Variants in SLC24A3 observed in about 807,000 individuals in gnomAD.
SLC24A3 encodes sodium/potassium/calcium exchanger 3.
SLC24A3 carries 28 observed loss-of-function variants against 75.8 expected under a neutral mutation model. That is an observed-to-expected ratio of 0.37 (90% CI 0.27 to 0.51). The LOEUF (loss-of-function observed/expected upper bound fraction) is 0.51. Among genes scored for constraint, SLC24A3 ranks in the 20% least tolerant of loss-of-function variants. SLC24A3 has a pLI of 0.94. For missense variants in SLC24A3, 663 were observed against 847.8 expected, an observed-to-expected ratio of 0.78 and a Z score of 2.71; for synonymous variants, 372 against 334.1, an observed-to-expected ratio of 1.11 and a Z score of -1.24.
In SLC24A3 at chr20:19,717,526, A is replaced by C; in HGVS notation, c.1720-2A>C. On this transcript the variant is annotated splice_acceptor_variant, in intron 15 of 16. Coordinates refer to ENST00000328041, the MANE Select transcript of SLC24A3 (RefSeq NM_020689.4). LOFTEE classifies it high-confidence loss of function. ...AAGCCTAACTCTAACCCTCTCTTAC[A>C]GATCCGGCTGAATAGCAGGGGGCTG... is the stretch of plus-strand genomic sequence containing the variant. 6.2e-7 allele frequency: 1 copy of C among 1,613,986 alleles called. No individual in the cohort carries two copies. Among genetic ancestry groups the C allele is most frequent in the Non-Finnish European group, 8.5e-7 (1 of 1,179,914 alleles).
chr20:19,328,120 G>A (rs565679558), intron 2 of SLC24A3, among the ~76,000 whole-genome samples: 2 of 152,222 alleles, frequency 1.3e-5, no homozygotes, highest in African/African-American at 4.8e-5. Context: ...TTCTGAGGAA[G>A]AGCATCCAGG....
chr20:19,698,927 G>A (rs936354519), intron 15 of SLC24A3, among the ~76,000 whole-genome samples: 2 of 152,164 alleles, frequency 1.3e-5, no homozygotes, highest in Non-Finnish European at 2.9e-5. Context: ...GGCTTTGTGG[G>A]CCAGAGGATG....
intron 1 of SLC24A3, among the ~76,000 whole-genome samples, chr20:19,268,004 C>T (rs1695060377): frequency 6.6e-6 from 1 of 152,134 alleles, no homozygotes; most frequent in Non-Finnish European, 1.5e-5. Context: ...TGGACATGTG[C>T]ATGGTGTAAA....
chr20:19,240,792 A>C (rs1271711034), intron 1 of SLC24A3, among the ~76,000 whole-genome samples: 1 of 152,148 alleles, frequency 6.6e-6, no homozygotes, highest in East Asian at 1.9e-4. Context: ...CAATGGGACC[A>C]CTTTTTGTAG....
intron 3 of SLC24A3, among the ~76,000 whole-genome samples, chr20:19,559,949 T>G (rs781306519): frequency 3.9e-5 from 6 of 152,132 alleles, no homozygotes; most frequent in Non-Finnish European, 8.8e-5. Context: ...ACATGTAGCA[T>G]TTGCAAATTT....
At position 19,474,353 on chromosome 20, in the gene SLC24A3, C is replaced by T. The variant is rs916678389; in HGVS notation, c.272-41135C>T. ...TTTAATTCCCAATGCAAGAAGACTG[C>T]ACAACCCGGATTTTAAAATCTGATA... On this transcript the variant is annotated intron_variant, in intron 2 of 16. Coordinates refer to ENST00000328041, the MANE Select transcript of SLC24A3 (RefSeq NM_020689.4). 3.9e-5 allele frequency among the ~76,000 whole-genome samples: 6 copies of T among 152,160 alleles called. No individual in the cohort carries two copies. The South Asian group carries it at 1.0e-3, about 26-fold the overall frequency.
chr20:19,631,645 C>A (rs1032608420), intron 6 of SLC24A3, among the ~76,000 whole-genome samples: 1 of 152,146 alleles, frequency 6.6e-6, no homozygotes, highest in African/African-American at 2.4e-5. Context: ...TTGTACTGCA[C>A]GTTGCTAGCC....
At chr20:19,263,261 G>T (rs1042344160) in intron 1 of SLC24A3, among the ~76,000 whole-genome samples, 2 of 152,136 alleles carry the variant, frequency 1.3e-5, no homozygotes, top group African/African-American at 4.8e-5. Flanking sequence ...ATGTGGGCTG[G>T]AGAGAAGGAA....
At chr20:19,610,293 A>G (rs565846831) in intron 6 of SLC24A3, among the ~76,000 whole-genome samples, 1 of 152,254 alleles carries the variant, frequency 6.6e-6, no homozygotes, top group South Asian at 2.1e-4. Flanking sequence ...TCTCCTAGGT[A>G]CAATTTTGCT....
chr20:19,392,529 G>T (rs986952875), intron 2 of SLC24A3, among the ~76,000 whole-genome samples: 8 of 152,200 alleles, frequency 5.3e-5, no homozygotes, highest in African/African-American at 1.9e-4. Flanking sequence ...TCAGCTGTTT[G>T]TGGGAGAGTG....
intron 3 of SLC24A3, among the ~76,000 whole-genome samples, chr20:19,553,793 G>A (rs2030740534): frequency 2.0e-5 from 3 of 152,120 alleles, no homozygotes; most frequent in Admixed American, 1.3e-4. Flanking sequence ...TTTCCAAAAT[G>A]TACCCCAGGG....
chr20:19,477,286 C>T (rs1159018779), intron 2 of SLC24A3, among the ~76,000 whole-genome samples: 1 of 152,170 alleles, frequency 6.6e-6, no homozygotes, highest in African/African-American at 2.4e-5. Context: ...TGGGCTGGGT[C>T]AAGCCTGAGG....
intron 2 of SLC24A3, among the ~76,000 whole-genome samples, chr20:19,319,538 G>A (rs1984660937): frequency 6.6e-6 from 1 of 152,220 alleles, no homozygotes; most frequent in South Asian, 2.1e-4. Context: ...GTGGCTTCAA[G>A]ACATGCTAGA....
intron 3 of SLC24A3, among the ~76,000 whole-genome samples, chr20:19,541,395 A>G (rs1371926957): frequency 6.6e-6 from 1 of 152,168 alleles, no homozygotes; most frequent in Non-Finnish European, 1.5e-5. Flanking sequence ...AGGAAAGCCC[A>G]TGTCCAGGAG....
At chr20:19,586,843 C>T (rs543691878) in intron 6 of SLC24A3, among the ~76,000 whole-genome samples, 30 of 152,342 alleles carry the variant, frequency 2.0e-4, no homozygotes, top group African/African-American at 6.7e-4. Flanking sequence ...GAGCTCTGCT[C>T]AGCTCCTTAG....
rs566053854 is a variant in SLC24A3, at chr20:19,587,672, C to T, written c.612+2128C>T. ...TTGGGAAGAACATGGGCTGGGGAATCAGACGGGTCTGGGTTTAAATCCTGA... is the reference window on the plus strand; with the variant it reads ...TTGGGAAGAACATGGGCTGGGGAATTAGACGGGTCTGGGTTTAAATCCTGA... On this transcript the variant is annotated intron_variant, in intron 6 of 16. Transcript: ENST00000328041. Among the ~76,000 whole-genome samples, 5 of 152,318 alleles carry T rather than the reference C, an allele frequency of 3.3e-5. No individual in the cohort carries two copies. The South Asian group carries it at 6.2e-4, about 19-fold the overall frequency.
At chr20:19,589,752 G>C (rs1053394060) in intron 6 of SLC24A3, among the ~76,000 whole-genome samples, 3 of 152,044 alleles carry the variant, frequency 2.0e-5, no homozygotes, top group Admixed American at 6.6e-5. Context: ...CACCACACTA[G>C]ATTCTGTAAA....
At chr20:19,477,031 G>A (rs552503869) in intron 2 of SLC24A3, among the ~76,000 whole-genome samples, 1 of 152,188 alleles carries the variant, frequency 6.6e-6, no homozygotes, top group South Asian at 2.1e-4. Flanking sequence ...AATGCAAGAC[G>A]AGGACTGGTG....
chr20:19,588,439 G>A (rs781696479), intron 6 of SLC24A3, among the ~76,000 whole-genome samples: 15 of 152,168 alleles, frequency 9.9e-5, no homozygotes, highest in Non-Finnish European at 2.2e-4. Flanking sequence ...AAGCTATAAG[G>A]TTTGAGTTCC....
Sources: gnomAD v4.1 joint callset for allele counts (sites outside exome capture counted in the v4.1 genomes callset) on GRCh38, gnomAD v4.1.1 for gene constraint, MANE v1.5 for transcripts, NCBI Gene and HGNC (gene_info 2026-07-23, HGNC 2026-07-21) for gene names.